RTL4: variants seen among roughly 807,000 people sequenced by gnomAD.
The protein encoded by RTL4 is retrotransposon Gag-like protein 4.
RTL4 carries 4 observed loss-of-function variants against 5.3 expected under a neutral mutation model. The observed-to-expected ratio is 0.75, with a 90% CI of 0.37 to 1.72. The LOEUF (loss-of-function observed/expected upper bound fraction) is 1.72. Among genes scored for constraint, RTL4 ranks in the 40% most tolerant of loss-of-function variants. The pLI, the probability that RTL4 is intolerant of heterozygous loss-of-function variation, is 0.04. For synonymous variants in RTL4, 98 were observed against 87.3 expected (o/e 1.12, Z -0.68); for missense variants, 260 against 227.1 (o/e 1.14, Z -0.93).
At chrX:112,089,263 G>A in the RTL4 span, among the ~76,000 whole-genome samples, 3 of 110,043 alleles carry the variant, frequency 2.7e-5, no homozygotes, top group Admixed American at 9.6e-5. Context: ...CCTCCCCCCT[G>A]GAATCTGTTT....
At chrX:112,401,326 C>G in the RTL4 span, among the ~76,000 whole-genome samples, 3 of 111,424 alleles carry the variant, frequency 2.7e-5, no homozygotes, top group Non-Finnish European at 5.7e-5. Context: ...ACATTTTCCC[C>G]TCTTAAGGCT....
At chrX:112,327,477 A>G in the RTL4 span, among the ~76,000 whole-genome samples, 4 of 110,072 alleles carry the variant, frequency 3.6e-5, no homozygotes, top group East Asian at 2.8e-4. Flanking sequence ...AAAGAAATGA[A>G]CAAAGCCTCC....
chrX:112,111,010 T>C, the RTL4 span, among the ~76,000 whole-genome samples: 1 of 112,128 alleles, frequency 8.9e-6, no homozygotes, highest in African/African-American at 3.2e-5. Context: ...CAAGGTGGTA[T>C]TGGAGTGTTA....
the RTL4 span, among the ~76,000 whole-genome samples, chrX:112,141,349 T>A: frequency 1.2e-4 from 13 of 112,099 alleles, no homozygotes; most frequent in African/African-American, 3.6e-4. Context: ...ATTTTCTACA[T>A]GTTATCCACA....
chrX:112,239,444 G>A, the RTL4 span, among the ~76,000 whole-genome samples: 1 of 111,721 alleles, frequency 9.0e-6, no homozygotes, highest in Admixed American at 9.5e-5. Flanking sequence ...ACTGAATGAT[G>A]AGGTGTAAGG....
chrX:112,326,592 A>G, the RTL4 span, among the ~76,000 whole-genome samples: 1 of 111,662 alleles, frequency 9.0e-6, no homozygotes, highest in African/African-American at 3.3e-5. Flanking sequence ...GGCGCCCACC[A>G]TTGCCCAGGC....
At chrX:112,249,432 A>G in the RTL4 span, among the ~76,000 whole-genome samples, 3 of 111,122 alleles carry the variant, frequency 2.7e-5, no homozygotes, top group African/African-American at 9.8e-5. Context: ...GAATGCCCAG[A>G]TATTTGGCTC....
the RTL4 span, among the ~76,000 whole-genome samples, chrX:112,307,889 C>T: frequency 1.8e-5 from 2 of 111,717 alleles, no homozygotes; most frequent in Non-Finnish European, 3.8e-5. Flanking sequence ...CACTCACTTA[C>T]AAGAGAGACT....
At chrX:112,326,635 G>A in the RTL4 span, among the ~76,000 whole-genome samples, 1 of 111,855 alleles carries the variant, frequency 8.9e-6, no homozygotes, top group South Asian at 3.8e-4. Context: ...CGGGAAGCTC[G>A]AACTGGGTGG....
chrX:112,310,698 T>C, the RTL4 span, among the ~76,000 whole-genome samples: 1 of 71,162 alleles, frequency 1.4e-5, no homozygotes, highest in African/African-American at 5.9e-5. Flanking sequence ...TTATATATTA[T>C]ATAAAATAAT....
the RTL4 span, among the ~76,000 whole-genome samples, chrX:112,239,619 A>G: frequency 2.7e-5 from 3 of 111,488 alleles, no homozygotes; most frequent in Non-Finnish European, 3.8e-5. Context: ...AGCAGGGCCC[A>G]GTGGGGTGCT....
At chrX:112,141,589 T>C in the RTL4 span, among the ~76,000 whole-genome samples, 1 of 111,434 alleles carries the variant, frequency 9.0e-6, no homozygotes, top group East Asian at 2.8e-4. Flanking sequence ...GGAGATCCAA[T>C]TCTGTTGGTA....
the RTL4 span, among the ~76,000 whole-genome samples, chrX:112,219,840 G>A: frequency 1.8e-5 from 2 of 111,937 alleles, no homozygotes; most frequent in Non-Finnish European, 3.8e-5. Context: ...TAGAGCCTCT[G>A]CCCCTTATAC....
chrX:112,323,625 C>G, the RTL4 span, among the ~76,000 whole-genome samples: 2 of 110,387 alleles, frequency 1.8e-5, no homozygotes, highest in African/African-American at 6.6e-5. Flanking sequence ...TCCAGAGTAG[C>G]TGGGACTACA....
chrX:112,221,983 C>A, the RTL4 span, among the ~76,000 whole-genome samples: 1 of 112,341 alleles, frequency 8.9e-6, no homozygotes, highest in African/African-American at 3.2e-5. Flanking sequence ...ATCTTGAGTT[C>A]ATTCTCAGGT....
chrX:112,243,517 G>A, the RTL4 span, among the ~76,000 whole-genome samples: 3 of 111,509 alleles, frequency 2.7e-5, no homozygotes, highest in Non-Finnish European at 5.6e-5. Flanking sequence ...ATGGTAGTTT[G>A]TATTTCTGTA....
chrX:112,149,254 C>G, the RTL4 span, among the ~76,000 whole-genome samples: 4 of 111,302 alleles, frequency 3.6e-5, no homozygotes, highest in African/African-American at 1.3e-4. Context: ...CACTTTCCTA[C>G]AGCTGACAGT....
chrX:112,351,504 G>A, the RTL4 span, among the ~76,000 whole-genome samples: 1 of 107,339 alleles, frequency 9.3e-6, no homozygotes, highest in African/African-American at 3.5e-5. Flanking sequence ...GGGAGTCTAA[G>A]TCTCTTTGTA....
the RTL4 span, among the ~76,000 whole-genome samples, chrX:112,393,147 C>CTTTTTTTTTTTTGTT: frequency 2.5e-5 from 2 of 81,490 alleles, no homozygotes; most frequent in Non-Finnish European, 4.6e-5. Flanking sequence ...TTCTTTCTTT[C>CTTTTTTTTTTTTGTT]TTTTTTTTTT....
Sources: gnomAD v4.1 joint callset for allele counts (sites outside exome capture counted in the v4.1 genomes callset) on GRCh38, gnomAD v4.1.1 for gene constraint, MANE v1.5 for transcripts, NCBI Gene and HGNC (gene_info 2026-07-23, HGNC 2026-07-21) for gene names.